Variants in PIK3C3 observed in about 807,000 individuals in gnomAD.
PIK3C3 encodes the protein PI3-kinase type 3.
Under a neutral mutation model 126.1 loss-of-function variants are expected in PIK3C3, and 95 were observed. The ratio of observed to expected loss-of-function variants is 0.75; its 90% CI spans 0.64 to 0.89. The LOEUF is 0.89. Ranked by LOEUF, PIK3C3 falls within the 40% of genes least tolerant of loss-of-function variation. The pLI, the probability that PIK3C3 is intolerant of heterozygous loss-of-function variation, is 0.00. For synonymous variants in PIK3C3, 374 were observed against 360.0 expected, an observed-to-expected ratio of 1.04 and a Z score of -0.44; for missense variants, 829 against 1,063.2, an observed-to-expected ratio of 0.78 and a Z score of 3.06.
chr18:42,035,218 C>T (rs1448809754), intron 16 of PIK3C3, among the ~76,000 whole-genome samples: 1 of 152,070 alleles, frequency 6.6e-6, no homozygotes, highest in Non-Finnish European at 1.5e-5. Context: ...AAAAGCTATG[C>T]ACAAGGTAAT....
intron 4 of PIK3C3, chr18:41,985,084 C>CA (rs2144341698): frequency 6.6e-6 from 1 of 152,274 alleles, no homozygotes; most frequent in African/African-American, 2.4e-5. Context: ...TAAGCCCACC[C>CA]TTTATCACCA....
At chr18:41,997,765 C>G (rs1359162682) in intron 9 of PIK3C3, among the ~76,000 whole-genome samples, 2 of 152,078 alleles carry the variant, frequency 1.3e-5, no homozygotes, top group Non-Finnish European at 2.9e-5. Context: ...GGGACCTGTG[C>G]AGACTCACAA....
chr18:42,003,898 C>T (rs1982412425), intron 9 of PIK3C3, among the ~76,000 whole-genome samples: 1 of 152,084 alleles, frequency 6.6e-6, no homozygotes, highest in African/African-American at 2.4e-5. Flanking sequence ...TGGTCATACT[C>T]TAGGGAGGTG....
chr18:41,970,235 G>A, intron 3 of PIK3C3, 92 bp from the exon 4 acceptor site: 1 of 1,059,276 alleles, frequency 9.4e-7, no homozygotes, highest in Non-Finnish European at 1.4e-6. Context: ...ACATTTCCAT[G>A]TATAGAATTC....
At chr18:41,997,373 A>T (rs181309805) in intron 9 of PIK3C3, among the ~76,000 whole-genome samples, 3 of 152,050 alleles carry the variant, frequency 2.0e-5, no homozygotes, top group Non-Finnish European at 2.9e-5. Context: ...CATGGAGTGG[A>T]TAAGGTTTCT....
At chr18:42,076,558 C>T (rs924690068) in intron 24 of PIK3C3, among the ~76,000 whole-genome samples, 3 of 152,114 alleles carry the variant, frequency 2.0e-5, no homozygotes, top group Non-Finnish European at 4.4e-5. Context: ...TGTTCCACTG[C>T]AGTCAGCATT....
intron 21 of PIK3C3, among the ~76,000 whole-genome samples, chr18:42,055,527 C>T (rs1032019000): frequency 7.3e-5 from 11 of 151,626 alleles, no homozygotes; most frequent in African/African-American, 2.2e-4. Context: ...AGGAAAGATA[C>T]GACATTCAAT....
At chr18:42,068,434 G>C (rs1985630306) in intron 24 of PIK3C3, among the ~76,000 whole-genome samples, 1 of 152,122 alleles carries the variant, frequency 6.6e-6, no homozygotes, top group African/African-American at 2.4e-5. Flanking sequence ...CTTCAGCCCA[G>C]AAATCAATCT....
At chr18:42,016,483 C>A (rs906241551) in intron 12 of PIK3C3, among the ~76,000 whole-genome samples, 24 of 152,260 alleles carry the variant, frequency 1.6e-4, no homozygotes, top group African/African-American at 5.5e-4. Context: ...AACTGTTCTA[C>A]ATGCTGGGGT....
At position 42,033,875 on chromosome 18, in the gene PIK3C3, C is replaced by T; in HGVS notation, c.1757C>T (p.Ser586Leu). The change falls in exon 16 of 25, where the codon TCA (serine) becomes TTA (leucine). Residue 586 changes from serine to leucine, a missense_variant. By Grantham distance (145) the Ser-to-Leu change is moderately radical. Transcript: ENST00000262039. Reference protein sequence around the residue: ...LLGDNEKMNLSDVELIPLPLE... With the variant: ...LLGDNEKMNLLDVELIPLPLE... Reference sequence around the variant, plus strand: ...GGAGATAATGAAAAGATGAATTTGTCAGATGTGGAACTTATCCCGTTGCCT... The same window carrying T: ...GGAGATAATGAAAAGATGAATTTGTTAGATGTGGAACTTATCCCGTTGCCT... 1 of 1,604,642 alleles carries T rather than the reference C, an allele frequency of 6.2e-7. No individual in the cohort carries two copies. Among genetic ancestry groups the T allele is most frequent in the South Asian group, 1.1e-5 (1 of 89,892 alleles).
chr18:41,965,454 CG>C (rs1228330663), intron 3 of PIK3C3, among the ~76,000 whole-genome samples: 3 of 152,058 alleles, frequency 2.0e-5, no homozygotes, highest in Non-Finnish European at 2.9e-5. Context: ...GCTTCTGGCA[CG>C]TTTTTTTAAA....
chr18:41,955,738 G>A (rs988158118), intron 1 of PIK3C3, among the ~76,000 whole-genome samples: 1 of 152,192 alleles, frequency 6.6e-6, no homozygotes, highest in African/African-American at 2.4e-5. Flanking sequence ...TTGTAGGGTG[G>A]AATGAAGGCT....
At chr18:42,080,012 T>A (rs1164978514) in intron 24 of PIK3C3, among the ~76,000 whole-genome samples, 2 of 151,632 alleles carry the variant, frequency 1.3e-5, no homozygotes, top group African/African-American at 4.8e-5. Flanking sequence ...TGTGTGTGTG[T>A]GTGTGTGTGT....
At chr18:41,986,876 T>G (rs1030853137) in intron 4 of PIK3C3, among the ~76,000 whole-genome samples, 3 of 152,112 alleles carry the variant, frequency 2.0e-5, no homozygotes, top group African/African-American at 7.2e-5. Flanking sequence ...GACATTAGTA[T>G]TTTTATTTCT....
At chr18:41,955,832 T>C (rs1979743021) in intron 1 of PIK3C3, among the ~76,000 whole-genome samples, 1 of 150,400 alleles carries the variant, frequency 6.6e-6, no homozygotes, top group Admixed American at 6.6e-5. Context: ...CGGGAGGTGA[T>C]AGAGGCCTAG....
At chr18:42,076,169 T>TATATATATGCAC (rs1292217898) in intron 24 of PIK3C3, among the ~76,000 whole-genome samples, 1 of 128,788 alleles carries the variant, frequency 7.8e-6, no homozygotes, top group African/African-American at 3.2e-5. Context: ...TATGCACATA[T>TATATATATGCAC]ATATATATGC....
At chr18:42,057,689 A>T in intron 21 of PIK3C3, 194 bp from the exon 22 acceptor site, 1 of 531,680 alleles carries the variant, frequency 1.9e-6, no homozygotes, top group East Asian at 3.4e-5. Flanking sequence ...TGAACGAATG[A>T]GTTAAAATGA....
intron 12 of PIK3C3, 84 bp downstream of exon 12, chr18:42,015,650 G>T: frequency 2.3e-6 from 2 of 885,558 alleles, no homozygotes; most frequent in South Asian, 2.9e-5. Flanking sequence ...CCTCAATTTT[G>T]ATTAAATAAC....
chr18:41,992,817 A>T (rs1276489592), intron 6 of PIK3C3, among the ~76,000 whole-genome samples: 1 of 152,118 alleles, frequency 6.6e-6, no homozygotes, highest in African/African-American at 2.4e-5. Flanking sequence ...GCTTCTTTGA[A>T]TGGATCTCCA....
Sources: gnomAD v4.1 joint callset for allele counts (sites outside exome capture counted in the v4.1 genomes callset) on GRCh38, gnomAD v4.1.1 for gene constraint, MANE v1.5 for transcripts, NCBI Gene and HGNC (gene_info 2026-07-23, HGNC 2026-07-21) for gene names.